The following SLC4A8 variants were observed in gnomAD, a reference collection of about 807,000 sequenced individuals.
SLC4A8 encodes the protein electroneutral sodium bicarbonate exchanger 1.
SLC4A8 carries 40 observed loss-of-function variants against 125.0 expected under a neutral mutation model. That is an observed-to-expected ratio of 0.32 (90% CI 0.25 to 0.42). The LOEUF (loss-of-function observed/expected upper bound fraction) is 0.42. Ranked by LOEUF, SLC4A8 falls within the 10% of genes least tolerant of loss-of-function variation. SLC4A8 has a pLI of 1.00. For missense variants in SLC4A8, 863 were observed against 1,355.1 expected (o/e 0.64, Z 5.70); for synonymous variants, 456 against 476.0 (o/e 0.96, Z 0.55).
rs1228661141 is a variant in SLC4A8, at chr12:51,440,941, A to G, written c.130+152A>G. 7 of 960,464 alleles carry G rather than the reference A, an allele frequency of 7.3e-6. No individual in the cohort carries two copies. The Admixed American group carries it at 1.8e-4, about 24-fold the overall frequency. The allele number at this position is 960,464 out of a possible 1,614,324, so 59.5% of individuals were successfully genotyped here. A position where few individuals can be genotyped will look rare whatever the true frequency, so the allele number is the denominator to read the frequency against. ...TAGCCTCACTTTCCTCATCTGGTAA[A>G]TAAAAGTGGGGATACTAATACTTGT... On this transcript the variant is annotated intron_variant, in intron 2 of 24. Transcript: ENST00000453097.
intron 2 of SLC4A8, among the ~76,000 whole-genome samples, chr12:51,447,076 A>ATCTATCTATCTATCTATCTG (rs1949796616): frequency 6.6e-6 from 1 of 152,048 alleles, no homozygotes; most frequent in Admixed American, 6.5e-5. Context: ...CTGTCTATCT[A>ATCTATCTATCTATCTATCTG]TCTATCTATC....
At chr12:51,498,490 A>G (rs1172683707) in intron 22 of SLC4A8, among the ~76,000 whole-genome samples, 1 of 152,062 alleles carries the variant, frequency 6.6e-6, no homozygotes, top group African/African-American at 2.4e-5. Flanking sequence ...TTAAGCAAGG[A>G]GAATACTTTT....
At chr12:51,470,187 G>A (rs552487326) in intron 12 of SLC4A8, among the ~76,000 whole-genome samples, 8 of 152,320 alleles carry the variant, frequency 5.3e-5, no homozygotes, top group Middle Eastern at 3.4e-3. Flanking sequence ...GGAATCATGT[G>A]TCAATGGAGC....
At chr12:51,420,886 C>T (rs1948774769), upstream of SLC4A8, among the ~76,000 whole-genome samples, 2 of 152,096 alleles carry the variant, frequency 1.3e-5, no homozygotes, top group African/African-American at 2.4e-5. Context: ...GCTGTGTGCC[C>T]TGGGGAAGTT....
intron 1 of SLC4A8, among the ~76,000 whole-genome samples, chr12:51,414,190 G>T: frequency 6.6e-6 from 1 of 150,888 alleles, no homozygotes; most frequent in South Asian, 2.1e-4. Context: ...TATTGTAAGT[G>T]GGATTGCTTT....
At chr12:51,485,536 A>G (rs1321829954) in intron 16 of SLC4A8, among the ~76,000 whole-genome samples, 2 of 152,154 alleles carry the variant, frequency 1.3e-5, no homozygotes, top group African/African-American at 4.8e-5. Flanking sequence ...AAATGTCCCA[A>G]ACAGAACTCT....
At chr12:51,473,897 A>T (rs1402751695) in intron 14 of SLC4A8, among the ~76,000 whole-genome samples, 2 of 152,246 alleles carry the variant, frequency 1.3e-5, no homozygotes, top group African/African-American at 2.4e-5. Context: ...GAGCATGACG[A>T]AGGGTATAGA....
chr12:51,483,864 A>C (rs539802096), intron 16 of SLC4A8, among the ~76,000 whole-genome samples: 1 of 151,996 alleles, frequency 6.6e-6, no homozygotes, highest in Non-Finnish European at 1.5e-5. Context: ...CATTAGGTAT[A>C]TCTCCTAATG....
chr12:51,405,552 C>T (rs1318246096), intron 1 of SLC4A8, among the ~76,000 whole-genome samples: 1 of 152,090 alleles, frequency 6.6e-6, no homozygotes. Flanking sequence ...CATCTATGGC[C>T]ATTTTCTTTC....
intron 1 of SLC4A8, among the ~76,000 whole-genome samples, chr12:51,435,765 G>C (rs1164143661): frequency 6.6e-6 from 1 of 151,990 alleles, no homozygotes; most frequent in Non-Finnish European, 1.5e-5. Context: ...CTTTAAATTG[G>C]CTCCTGAGTC....
intron 16 of SLC4A8, among the ~76,000 whole-genome samples, chr12:51,483,451 CTTTTTCTT>C (rs1235804418): frequency 1.3e-5 from 2 of 148,632 alleles, no homozygotes; most frequent in Admixed American, 6.7e-5. Flanking sequence ...GACACATTTT[CTTTTTCTT>C]TTTTTCTTTT....
At position 51,424,998 on chromosome 12, in the gene SLC4A8, C is replaced by T. The variant is rs1350784210; in HGVS notation, c.11C>T (p.Ala4Val). The T allele has an allele frequency of 3.2e-6, 5 of 1,555,568 alleles. No homozygotes were observed. The highest frequency in any genetic ancestry group is 2.4e-5 in the East Asian group (1 of 41,238). The change falls in exon 1 of 25, where the codon GCC (alanine) becomes GTC (valine). Residue 4 changes from alanine (A) to valine (V), a missense_variant. Physicochemically the swap from Ala to Val is moderately conservative, Grantham distance 64. This residue lies in a region of SLC4A8 where 104 missense variants were observed against 116.4 expected (regional missense o/e 0.89). Transcript: ENST00000453097. MPA[A>V]GSNEPDGVLS... is the part of the protein sequence containing the mutation. Reference sequence around the variant, plus strand: ...TAGTTCGGCTCCGCCATGCCGGCCGCCGGGAGTAACGAGCCGGACGGCGTC... The same window carrying T: ...TAGTTCGGCTCCGCCATGCCGGCCGTCGGGAGTAACGAGCCGGACGGCGTC...
chr12:51,419,647 C>G (rs761188322), intron 1 of SLC4A8, among the ~76,000 whole-genome samples: 1 of 152,194 alleles, frequency 6.6e-6, no homozygotes, highest in South Asian at 2.1e-4. Flanking sequence ...GGATGACAAC[C>G]GTTTTTTTTA....
chr12:51,447,220 C>T (rs1013082192), intron 2 of SLC4A8, among the ~76,000 whole-genome samples: 1 of 152,000 alleles, frequency 6.6e-6, no homozygotes, highest in Non-Finnish European at 1.5e-5. Flanking sequence ...ATAGCTAGGA[C>T]TATAGGTGCA....
At chr12:51,418,601 A>G (rs1948729414) in intron 1 of SLC4A8, among the ~76,000 whole-genome samples, 1 of 152,214 alleles carries the variant, frequency 6.6e-6, no homozygotes, top group African/African-American at 2.4e-5. Context: ...GTTTGTAGAA[A>G]GGGCTAAAGA....
chr12:51,393,353 G>A (rs1014050406), intron 1 of SLC4A8, among the ~76,000 whole-genome samples: 5 of 151,966 alleles, frequency 3.3e-5, no homozygotes, highest in African/African-American at 1.2e-4. Flanking sequence ...CCTCGGCCTC[G>A]CAAAGTGATG....
chr12:51,484,686 A>C (rs116195206), intron 16 of SLC4A8, among the ~76,000 whole-genome samples: 1,802 of 152,324 alleles, frequency 0.012, 34 homozygotes, highest in African/African-American at 0.041. Context: ...AGATTAAGGC[A>C]GGCACGGGTC....
intron 16 of SLC4A8, among the ~76,000 whole-genome samples, chr12:51,478,426 G>A (rs901742547): frequency 6.6e-6 from 1 of 151,800 alleles, no homozygotes; most frequent in African/African-American, 2.4e-5. Context: ...GCAACAGAGC[G>A]AGACTCCATC....
chr12:51,514,396 G>A lies in SLC4A8; in HGVS notation c.*6958G>A, dbSNP rs1234744588. On this transcript the variant is annotated 3_prime_UTR_variant, in exon 25 of 25. Coordinates refer to ENST00000453097, the MANE Select transcript of SLC4A8 (RefSeq NM_001039960.3). ...CATCCAAGTTCCTCCCTCCTTTACT[G>A]TCTCGGCTTTTTCAAGCACCCCTTT... The A allele has an allele frequency of 6.6e-6, 1 of 152,584 alleles. No homozygotes were observed. The highest frequency in any genetic ancestry group is 1.5e-5 in the Non-Finnish European group (1 of 68,054). 9.5% of individuals were successfully genotyped at this position (152,584 alleles called of 1,614,324 possible).
Sources: allele counts gnomAD v4.1 joint callset (sites outside exome capture counted in the v4.1 genomes callset), GRCh38; gene constraint gnomAD v4.1.1; regional missense constraint gnomAD v4.1.1; transcripts MANE v1.5; gene names NCBI Gene and HGNC (gene_info 2026-07-23, HGNC 2026-07-21).